The following ABLIM2 variants were observed in gnomAD, a reference collection of about 807,000 sequenced individuals.
ABLIM2 encodes the protein actin-binding LIM protein 2.
ABLIM2 carries 53 observed loss-of-function variants against 97.7 expected under a neutral mutation model. The observed-to-expected ratio is 0.54, with a 90% CI of 0.44 to 0.68. ABLIM2 has a LOEUF of 0.68. Ranked by LOEUF, ABLIM2 falls within the 30% of genes least tolerant of loss-of-function variation. ABLIM2 has a pLI of 0.00. For synonymous variants in ABLIM2, 361 were observed against 345.8 expected, an observed-to-expected ratio of 1.04 and a Z score of -0.49; for missense variants, 835 against 867.2, an observed-to-expected ratio of 0.96 and a Z score of 0.47.
In ABLIM2 at chr4:8,124,847, C is replaced by G. The variant is rs557793634; in HGVS notation, c.11-18210G>C. The stretch of plus-strand genomic sequence containing the variant: ...AGGAACAGTCAGACTATTTTCCACA[C>G]CGGGTTCTGATTTCTACGCATCCCC... On this transcript the variant is annotated intron_variant, in intron 1 of 20. Transcript: ENST00000447017. The surrounding 1 kb of genome is among the most constrained non-coding windows in gnomAD (Gnocchi z 6.1). Among the ~76,000 whole-genome samples the G allele has an allele frequency of 6.6e-6, 1 of 152,096 alleles. No homozygotes were observed. Among genetic ancestry groups the G allele is most frequent in the African/African-American group, 2.4e-5 (1 of 41,384 alleles).
chr4:7,974,136 A>G (rs1730613165), intron 20 of ABLIM2, among the ~76,000 whole-genome samples: 1 of 152,118 alleles, frequency 6.6e-6, no homozygotes, highest in East Asian at 1.9e-4. Flanking sequence ...TCTTAAAATA[A>G]ATTTCTTAGT....
chr4:8,051,141 AC>A (rs2151909877), intron 8 of ABLIM2, among the ~76,000 whole-genome samples: 1 of 152,328 alleles, frequency 6.6e-6, no homozygotes, highest in South Asian at 2.1e-4. Context: ...AGGGGTCAGA[AC>A]CCGGGAGCTG....
chr4:8,070,902 G>A (rs543408507), intron 6 of ABLIM2, among the ~76,000 whole-genome samples: 91 of 152,252 alleles, frequency 6.0e-4, no homozygotes, highest in African/African-American at 1.8e-3. Context: ...CAGACTGCAC[G>A]AGGCACACCG....
At chr4:8,096,921 G>T (rs898959617) in intron 3 of ABLIM2, among the ~76,000 whole-genome samples, 178 bp downstream of exon 3, 5 of 152,230 alleles carry the variant, frequency 3.3e-5, no homozygotes, top group African/African-American at 7.2e-5. Context: ...TCCCTGTGAG[G>T]AGGCCTCTGT....
chr4:7,980,541 C>A (rs1298676856), intron 20 of ABLIM2, among the ~76,000 whole-genome samples: 4 of 151,948 alleles, frequency 2.6e-5, no homozygotes, highest in Non-Finnish European at 4.4e-5. Flanking sequence ...GTGGTGAAAC[C>A]CCATCTCTAC....
chr4:8,111,053 C>T (rs1325034565), intron 1 of ABLIM2, among the ~76,000 whole-genome samples: 1 of 152,236 alleles, frequency 6.6e-6, no homozygotes, highest in Non-Finnish European at 1.5e-5. Flanking sequence ...AAACCTGGCC[C>T]AAAGTCAGCC....
At position 8,001,628 on chromosome 4, in the gene ABLIM2, G is replaced by T. The variant is rs1277341895; in HGVS notation, c.1618+6431C>A. 6.6e-6 allele frequency among the ~76,000 whole-genome samples: 1 copy of T among 152,128 alleles called. No individual in the cohort carries two copies. Among genetic ancestry groups the T allele is most frequent in the African/African-American group, 2.4e-5 (1 of 41,428 alleles). On this transcript the variant is annotated intron_variant, in intron 16 of 20. Coordinates refer to ENST00000447017, the MANE Select transcript of ABLIM2 (RefSeq NM_001130083.2). The surrounding 1 kb of genome is among the most constrained non-coding windows in gnomAD (Gnocchi z 4.2). ...GCAGGAGGCCAGGCCTTCCAGAAAG[G>T]TCATCACTGTGGCCCCAGCTGGCCA...
intron 20 of ABLIM2, among the ~76,000 whole-genome samples, chr4:7,972,444 G>A (rs982151172): frequency 2.6e-5 from 4 of 152,208 alleles, no homozygotes; most frequent in Admixed American, 2.6e-4. Flanking sequence ...GGGCTATGCT[G>A]TGTCCCTCAA....
At chr4:7,990,126 A>G (rs1747542445) in intron 17 of ABLIM2, among the ~76,000 whole-genome samples, 1 of 152,198 alleles carries the variant, frequency 6.6e-6, no homozygotes, top group Non-Finnish European at 1.5e-5. Flanking sequence ...AGTGAGGCCT[A>G]CATCACTGAC....
chr4:8,111,619 A>G (rs559489058), intron 1 of ABLIM2, among the ~76,000 whole-genome samples: 4 of 152,194 alleles, frequency 2.6e-5, no homozygotes, highest in Non-Finnish European at 4.4e-5. Flanking sequence ...GAGAAATAAA[A>G]TCTATCAAAA....
At chr4:8,145,831 C>T (rs1304476152) in intron 1 of ABLIM2, among the ~76,000 whole-genome samples, 1 of 151,570 alleles carries the variant, frequency 6.6e-6, no homozygotes, top group Non-Finnish European at 1.5e-5. Context: ...GCTCACAGCC[C>T]TAGCTCAACA....
intron 12 of ABLIM2, 45 bp downstream of exon 12, chr4:8,027,714 T>G: frequency 6.9e-7 from 1 of 1,441,002 alleles, no homozygotes; most frequent in Non-Finnish European, 9.3e-7. Flanking sequence ...ACGCCGGGCG[T>G]GGACACCCAT....
At chr4:7,971,661 G>C (rs997059057) in intron 20 of ABLIM2, among the ~76,000 whole-genome samples, 2 of 152,044 alleles carry the variant, frequency 1.3e-5, no homozygotes, top group African/African-American at 2.4e-5. Flanking sequence ...TTGCGGTGAA[G>C]CCTCAGGGAC....
chr4:8,096,892 AC>A (rs1366596187), intron 3 of ABLIM2, among the ~76,000 whole-genome samples: 10 of 152,164 alleles, frequency 6.6e-5, no homozygotes, highest in Non-Finnish European at 1.2e-4. Context: ...GGGGCAGCCC[AC>A]CCCTGCCCTC....
At chr4:8,098,984 C>G (rs1238608132) in intron 2 of ABLIM2, among the ~76,000 whole-genome samples, 2 of 152,214 alleles carry the variant, frequency 1.3e-5, no homozygotes, top group Non-Finnish European at 2.9e-5. Flanking sequence ...TATAAGATGC[C>G]TGCACTCGCT....
chr4:8,126,032 C>G (rs1229511029), intron 1 of ABLIM2, among the ~76,000 whole-genome samples: 3 of 152,154 alleles, frequency 2.0e-5, no homozygotes, highest in Non-Finnish European at 2.9e-5. Flanking sequence ...TCCTCCAAGC[C>G]CCACGGTGAG....
Position 7,983,293 on chromosome 4 carries a change from G to A in ABLIM2, c.1795C>T (p.Pro599Ser). 6.2e-7 allele frequency: 1 copy of A among 1,612,394 alleles called. No homozygotes were observed. The highest frequency in any genetic ancestry group is 8.5e-7 in the Non-Finnish European group (1 of 1,179,498). The change falls in exon 20 of 21, where the codon CCC becomes TCC. Residue 599 changes from proline (P) to serine (S), a missense_variant. Physicochemically the swap from Pro to Ser is moderately conservative, Grantham distance 74 (BLOSUM62 -1). Transcript: ENST00000447017. ...AGTCTCGTCCGGTCCACGTCTTTGGGCAGTTTCACGCGAATTCGGTTTGTG... is the reference window on the plus strand; with the variant it reads ...AGTCTCGTCCGGTCCACGTCTTTGGACAGTTTCACGCGAATTCGGTTTGTG... ...IVTNRIRVKL[P>S]KDVDRTRLER... is the part of the protein sequence containing the mutation.
In ABLIM2 at chr4:8,046,072, A is replaced by C. The variant is rs2385915; in HGVS notation, c.823-831T>G. 0.54 allele frequency among the ~76,000 whole-genome samples: 81,578 copies of C among 151,814 alleles called. 22,294 individuals carry two copies. Among genetic ancestry groups the C allele is most frequent in the African/African-American group, 0.62 (25,522 of 41,422 alleles). ...GGAGCCCCCTGGCAGCCACTCTCCC[A>C]ACTGCACCTGTGGGCTTGTCCTGGC... On this transcript the variant is annotated intron_variant, in intron 8 of 20. Coordinates refer to ENST00000447017, the MANE Select transcript of ABLIM2 (RefSeq NM_001130083.2). This position sits in a 1 kb window ranked among gnomAD's most constrained non-coding sequence, Gnocchi z 4.4.
In ABLIM2 at chr4:8,124,398, T is replaced by C. The variant is rs1846881894; in HGVS notation, c.11-17761A>G. Among the ~76,000 whole-genome samples the C allele has an allele frequency of 6.6e-6, 1 of 152,222 alleles. No homozygotes were observed. Among genetic ancestry groups the C allele is most frequent in the Non-Finnish European group, 1.5e-5 (1 of 68,046 alleles). ...TTTCCATCACCCCAAAAAGAAATGC[T>C]GCATCCTTTACTGTCACTCCCGTTT... On this transcript the variant is annotated intron_variant, in intron 1 of 20. Coordinates refer to ENST00000447017, the MANE Select transcript of ABLIM2 (RefSeq NM_001130083.2). This position sits in a 1 kb window ranked among gnomAD's most constrained non-coding sequence, Gnocchi z 6.1.
Sources: allele counts gnomAD v4.1 joint callset (sites outside exome capture counted in the v4.1 genomes callset), GRCh38; gene constraint gnomAD v4.1.1; non-coding constraint Gnocchi (gnomAD v3.1); transcripts MANE v1.5; gene names NCBI Gene and HGNC (gene_info 2026-07-23, HGNC 2026-07-21).